Variants in SARDH observed in about 807,000 individuals in gnomAD.
The protein encoded by SARDH is sarcosine dehydrogenase, mitochondrial.
Under a neutral mutation model 109.1 loss-of-function variants are expected in SARDH, and 95 were observed. The ratio of observed to expected loss-of-function variants is 0.87; its 90% CI spans 0.74 to 1.03. The LOEUF (loss-of-function observed/expected upper bound fraction) is 1.03. SARDH is among the 50% of genes least tolerant of loss of function. The pLI is 0.00. For missense variants in SARDH, 1,267 were observed against 1,287.8 expected, an observed-to-expected ratio of 0.98 and a Z score of 0.25; for synonymous variants, 572 against 534.8, an observed-to-expected ratio of 1.07 and a Z score of -0.96.
rs531699584 is a variant in SARDH at position 133,671,474 on chromosome 9, G to C, written c.2326+61C>G. 9 of 1,482,256 alleles carry C rather than the reference G, an allele frequency of 6.1e-6. No homozygotes were observed. In the East Asian group the frequency reaches 2.3e-4, roughly 38 times the overall value. The allele number at this position is 1,482,256 out of a possible 1,614,324, so 91.8% of individuals were successfully genotyped here. On this transcript the variant is annotated intron_variant, in intron 18 of 20. Transcript: ENST00000439388. ...CAGCTTCTCGGCCTCCAGGTGTCTC[G>C]AGCGTCACTGCCCCCCACTGCGCCC...
rs559737762 is a variant in SARDH at position 133,724,459 on chromosome 9, A to G, written c.915+5306T>C. ...AGATGCAAATCAAACCCACGGTGAG[A>G]CACCACCTCACACCTTCTAGGATGA... On this transcript the variant is annotated intron_variant, in intron 6 of 20. Transcript: ENST00000439388. 1.6e-4 allele frequency among the ~76,000 whole-genome samples: 24 copies of G among 152,294 alleles called. 1 individual carries two copies. The South Asian group carries it at 4.8e-3, about 30-fold the overall frequency.
At chr9:133,699,039 A>T (rs1177540068) in intron 13 of SARDH, among the ~76,000 whole-genome samples, 1 of 152,224 alleles carries the variant, frequency 6.6e-6, no homozygotes, top group South Asian at 2.1e-4. Flanking sequence ...ACTATAAAAA[A>T]ATTTGCAACT....
chr9:133,668,320 C>CTTCCCT (rs1830155654), intron 19 of SARDH, among the ~76,000 whole-genome samples: 1 of 135,576 alleles, frequency 7.4e-6, no homozygotes, highest in Non-Finnish European at 1.6e-5. Context: ...TCTCCCCCAC[C>CTTCCCT]CTCCCTCTCC....
chr9:133,709,517 C>T lies in SARDH; in HGVS notation c.1329-1089G>A, dbSNP rs1001322352. On this transcript the variant is annotated intron_variant, in intron 10 of 20. Coordinates refer to ENST00000439388, the MANE Select transcript of SARDH (RefSeq NM_001134707.2). The surrounding 1 kb of genome is among the most constrained non-coding windows in gnomAD (Gnocchi z 4.2). The stretch of plus-strand genomic sequence containing the variant: ...CCTCACTCATCACTCAAGGCTGCCT[C>T]AGCAGCCACATCAGAGGCGTTTCTA... 6.6e-6 allele frequency among the ~76,000 whole-genome samples: 1 copy of T among 152,180 alleles called. No homozygotes were observed. The highest frequency in any genetic ancestry group is 2.4e-5 in the African/African-American group (1 of 41,448).
intron 2 of SARDH, 129 bp from the exon 3 acceptor site, chr9:133,732,730 A>C: frequency 2.9e-6 from 3 of 1,031,724 alleles, no homozygotes; most frequent in Non-Finnish European, 4.1e-6. Flanking sequence ...TCTCTGCAGG[A>C]CCTGGGGGGC....
At chr9:133,727,647 T>C (rs920786387) in intron 6 of SARDH, among the ~76,000 whole-genome samples, 1 of 151,614 alleles carries the variant, frequency 6.6e-6, no homozygotes, top group African/African-American at 2.4e-5. Flanking sequence ...AGGGGCTTTG[T>C]GCGAAGCCCC....
At chr9:133,683,546 T>C (rs544274677) in intron 17 of SARDH, among the ~76,000 whole-genome samples, 1 of 152,254 alleles carries the variant, frequency 6.6e-6, no homozygotes, top group East Asian at 1.9e-4. Context: ...TGCTGCTCTC[T>C]CTGAGTGCCC....
intron 1 of SARDH, among the ~76,000 whole-genome samples, chr9:133,735,131 C>T (rs962814703): frequency 5.3e-5 from 8 of 152,176 alleles, no homozygotes; most frequent in Non-Finnish European, 1.2e-4. Flanking sequence ...GGGCACCCAA[C>T]CCCCAAGCCT....
At chr9:133,671,401 T>C in intron 18 of SARDH, 134 bp downstream of exon 18, 1 of 1,184,966 alleles carries the variant, frequency 8.4e-7, no homozygotes, top group South Asian at 1.6e-5. Flanking sequence ...GGGGAGGAAA[T>C]CATGGTGTGG....
chr9:133,666,984 A>C lies in SARDH; in HGVS notation c.2496-114T>G. Reference sequence around the variant, plus strand: ...ATGATGCACACCCAACCGTGGCTCCAGGCAGATAGGGCTGGCCTACTAGGA... The same window carrying C: ...ATGATGCACACCCAACCGTGGCTCCCGGCAGATAGGGCTGGCCTACTAGGA... On this transcript the variant is annotated intron_variant, in intron 19 of 20. Coordinates refer to ENST00000439388, the MANE Select transcript of SARDH (RefSeq NM_001134707.2). The surrounding 1 kb of genome is among the most constrained non-coding windows in gnomAD (Gnocchi z 5.2). The C allele has an allele frequency of 7.0e-7, 1 of 1,432,896 alleles. No individual in the cohort carries two copies. The allele number at this position is 1,432,896 out of a possible 1,614,324, so 88.8% of individuals were successfully genotyped here.
upstream of SARDH, among the ~76,000 whole-genome samples, chr9:133,739,427 A>T (rs1832989174): frequency 6.6e-6 from 1 of 152,208 alleles, no homozygotes. Flanking sequence ...CTGCTGGGAA[A>T]CCTATAGTGA....
Position 133,670,609 on chromosome 9 carries a change from G to GC in SARDH, c.2469dup (p.Arg824AlafsTer33). ...TCCTCCATGGTGAAGCACACCAGGC[G>GC]CCGGCGGAGGCCTGCGGCCCGCTGC... On this transcript the variant is annotated frameshift_variant, in exon 19 of 21. Coordinates refer to ENST00000439388, the MANE Select transcript of SARDH (RefSeq NM_001134707.2). LOFTEE classifies it high-confidence loss of function. 1 of 1,576,508 alleles carries GC rather than the reference G, an allele frequency of 6.3e-7. No individual in the cohort carries two copies. The highest frequency in any genetic ancestry group is 8.6e-7 in the Non-Finnish European group (1 of 1,161,358).
chr9:133,711,225 G>A (rs1184685055), intron 10 of SARDH, among the ~76,000 whole-genome samples: 1 of 152,244 alleles, frequency 6.6e-6, no homozygotes, highest in Non-Finnish European at 1.5e-5. Context: ...CCATTTTGCA[G>A]CCGAGGATAC....
intron 8 of SARDH, 78 bp downstream of exon 8, chr9:133,717,248 T>G: frequency 6.4e-6 from 10 of 1,557,068 alleles, no homozygotes; most frequent in Non-Finnish European, 8.8e-6. Context: ...CAGGCTGGTC[T>G]CACGGGGCAT....
chr9:133,718,590 G>A lies in SARDH; in HGVS notation c.1020+348C>T. 4 of 760,570 alleles carry A rather than the reference G, an allele frequency of 5.3e-6. 1 individual carries two copies. The highest frequency in any genetic ancestry group is 2.8e-5 in the South Asian group (2 of 72,698). The allele number at this position is 760,570 out of a possible 1,614,324, so 47.1% of individuals were successfully genotyped here. A position where few individuals can be genotyped will look rare whatever the true frequency, so the allele number is the denominator to read the frequency against. ...GCCCGGGAAACAGCCCAGGCCAGGG[G>A]AAATGCCGCTGCAGCAGCTGGTTGG... On this transcript the variant is annotated intron_variant, in intron 7 of 20. Coordinates refer to ENST00000439388, the MANE Select transcript of SARDH (RefSeq NM_001134707.2). This position sits in a 1 kb window ranked among gnomAD's most constrained non-coding sequence, Gnocchi z 4.2.
At chr9:133,725,597 A>G (rs1169936056) in intron 6 of SARDH, 1 of 396,638 alleles carries the variant, frequency 2.5e-6, no homozygotes, top group East Asian at 8.1e-5. Flanking sequence ...AATTGCTTGA[A>G]CCCGGGAGGC....
intron 18 of SARDH, 42 bp from the exon 19 acceptor site, chr9:133,670,794 G>T: frequency 6.6e-7 from 1 of 1,515,402 alleles, no homozygotes; most frequent in East Asian, 2.3e-5. Flanking sequence ...ACCCTGAGGG[G>T]GATAAGCCCT....
chr9:133,698,389 G>A (rs1831365243), intron 13 of SARDH, among the ~76,000 whole-genome samples: 1 of 152,118 alleles, frequency 6.6e-6, no homozygotes, highest in South Asian at 2.1e-4. Flanking sequence ...AAAATTCTCA[G>A]CTGGTTTCTT....
chr9:133,670,442 T>G, intron 19 of SARDH, 142 bp downstream of exon 19: 1 of 871,882 alleles, frequency 1.1e-6, no homozygotes. Context: ...TGCAGTGGGC[T>G]GTTGGGTGCG....
Sources: gnomAD v4.1 joint callset for allele counts (sites outside exome capture counted in the v4.1 genomes callset) on GRCh38, gnomAD v4.1.1 for gene constraint, Gnocchi (gnomAD v3.1) non-coding constraint, MANE v1.5 for transcripts, NCBI Gene and HGNC (gene_info 2026-07-23, HGNC 2026-07-21) for gene names.